Variants in CIAO3 observed in about 807,000 individuals in gnomAD.
CIAO3 encodes LET1 like/JFP15.
A neutral mutation model predicts 51.5 loss-of-function variants in CIAO3; 45 were observed. The observed-to-expected ratio is 0.87, with a 90% CI of 0.69 to 1.12. The LOEUF (loss-of-function observed/expected upper bound fraction) is 1.12, where lower values mean the gene tolerates loss of function less well. Among genes scored for constraint, CIAO3 ranks in the 50% most tolerant of loss-of-function variants. The pLI, the probability that CIAO3 is intolerant of heterozygous loss-of-function variation, is 0.00. For missense variants in CIAO3, 668 were observed against 632.5 expected (o/e 1.06, Z -0.60); for synonymous variants, 314 against 269.3 (o/e 1.17, Z -1.63).
intron 4 of CIAO3, among the ~76,000 whole-genome samples, chr16:735,786 G>A (rs1402790485): frequency 2.6e-5 from 4 of 152,304 alleles, no homozygotes; most frequent in Non-Finnish European, 5.9e-5. Flanking sequence ...TGGGAATGAA[G>A]GGACTGGACA....
Position 730,716 on chromosome 16 carries a change from C to G in CIAO3, c.1193-61G>C. The G allele has an allele frequency of 6.3e-6, 10 of 1,583,474 alleles. No individual in the cohort carries two copies. In the South Asian group the frequency reaches 1.1e-4, roughly 18 times the overall value. On this transcript the variant is annotated intron_variant, in intron 10 of 10. Transcript: ENST00000251588. ...GCGCCCCAGCCAAGCTTCCTGACCACCAGGGAGCAGGGAGGTGACCGGGCC... is the reference window on the plus strand; with the variant it reads ...GCGCCCCAGCCAAGCTTCCTGACCAGCAGGGAGCAGGGAGGTGACCGGGCC...
At position 733,120 on chromosome 16, in the gene CIAO3, C is replaced by T. The variant is rs1365760623; in HGVS notation, c.823+178G>A. On this transcript the variant is annotated intron_variant, in intron 7 of 10. Coordinates refer to ENST00000251588, the MANE Select transcript of CIAO3 (RefSeq NM_022493.3). Reference sequence around the variant, plus strand: ...GCTGCAGGTCCCCAAGACAGGCCAGCTGCAAATGGGCCCACCTGGCTCCAA... The same window carrying T: ...GCTGCAGGTCCCCAAGACAGGCCAGTTGCAAATGGGCCCACCTGGCTCCAA... The T allele has an allele frequency of 5.4e-6, 4 of 742,902 alleles. No individual in the cohort carries two copies. The African/African-American group carries it at 7.1e-5, about 13-fold the overall frequency. The allele number at this position is 742,902 out of a possible 1,614,324, so 46.0% of individuals were successfully genotyped here. A position where few individuals can be genotyped will look rare whatever the true frequency, so the allele number is the denominator to read the frequency against.
At position 737,118 on chromosome 16, in the gene CIAO3, A is replaced by T. The variant is rs544175859; in HGVS notation, c.306+68T>A. On this transcript the variant is annotated intron_variant, in intron 3 of 10. Coordinates refer to ENST00000251588, the MANE Select transcript of CIAO3 (RefSeq NM_022493.3). The surrounding 1 kb of genome is among the most constrained non-coding windows in gnomAD (Gnocchi z 5.3). The stretch of plus-strand genomic sequence containing the variant: ...GGCACCACACGAGCTGCCCTTGGCA[A>T]AACGCGTTGTCGGCTGCTGGGATGG... 43 of 1,600,080 alleles carry T rather than the reference A, an allele frequency of 2.7e-5. No homozygotes were observed. The South Asian group carries it at 3.9e-4, about 14-fold the overall frequency.
intron 6 of CIAO3, 184 bp from the exon 7 acceptor site, chr16:733,611 G>C: frequency 1.2e-6 from 1 of 801,074 alleles, no homozygotes; most frequent in Non-Finnish European, 1.9e-6. Flanking sequence ...CCCTGGCTGT[G>C]ACAGAAAATG....
At position 740,340 on chromosome 16, in the gene CIAO3, G is replaced by C. The variant is rs530557506; in HGVS notation, c.66+580C>G. On this transcript the variant is annotated intron_variant, in intron 1 of 10. Coordinates refer to ENST00000251588, the MANE Select transcript of CIAO3 (RefSeq NM_022493.3). ...CTCCCGGGTTCAAGGGTAGCTGTCCGGCCCACCAGGGCGACGTTAAGGACA... is the reference window on the plus strand; with the variant it reads ...CTCCCGGGTTCAAGGGTAGCTGTCCCGCCCACCAGGGCGACGTTAAGGACA... 141 of 351,234 alleles carry C rather than the reference G, an allele frequency of 4.0e-4. 2 individuals are homozygous for C. The highest frequency in any genetic ancestry group is 2.9e-3 in the South Asian group (135 of 46,844). The allele number at this position is 351,234 out of a possible 1,614,324, so 21.8% of individuals were successfully genotyped here.
At chr16:736,578 G>T (rs995582293) in intron 3 of CIAO3, among the ~76,000 whole-genome samples, 180 bp from the exon 4 acceptor site, 1 of 151,660 alleles carries the variant, frequency 6.6e-6, no homozygotes, top group East Asian at 1.9e-4. Flanking sequence ...GCAGTGGTGC[G>T]ATCGGAGCTC....
chr16:730,636 G>T lies in CIAO3; in HGVS notation c.1212C>A (p.Gly404=). ...TGGGCCTGTCTGGGGCCTGGAGCTG[G>T]CCCCCGCCGTTCAGGCAGCCTATGG... The part of the protein sequence containing the change: ...ACPSGCLNGG[G]QLQAPDRPSR... Residue 404 remains glycine, a synonymous_variant, in exon 11 of 11, where the codon GGC becomes GGA. Transcript: ENST00000251588. The T allele has an allele frequency of 6.2e-7, 1 of 1,609,042 alleles. No homozygotes were observed.
In CIAO3 at chr16:731,908, G is replaced by A. The variant is rs542213254; in HGVS notation, c.897-206C>T. 9.9e-5 allele frequency: 67 copies of A among 678,602 alleles called. No homozygotes were observed. The African/African-American group carries it at 1.0e-3, about 11-fold the overall frequency. The allele number at this position is 678,602 out of a possible 1,614,324, so 42.0% of individuals were successfully genotyped here. On this transcript the variant is annotated intron_variant, in intron 8 of 10. Transcript: ENST00000251588. ...TTTTGAGACGGAGTCTTGCTCTGTCGCCCAGGCTGGAGTGCAGTGGCGTGA... is the reference window on the plus strand; with the variant it reads ...TTTTGAGACGGAGTCTTGCTCTGTCACCCAGGCTGGAGTGCAGTGGCGTGA...
At chr16:738,171 A>G (rs1384289488) in intron 2 of CIAO3, 3 of 998,778 alleles carry the variant, frequency 3.0e-6, no homozygotes, top group Non-Finnish European at 3.6e-6. Context: ...CTCCAAACCA[A>G]CTGCCACTGC....
chr16:740,042 G>C (rs1461535482), intron 1 of CIAO3: 1 of 1,404,122 alleles, frequency 7.1e-7, no homozygotes, highest in South Asian at 1.2e-5. Context: ...CACGTGAACA[G>C]GGGGCGTGAC....
rs775693646 is a variant in CIAO3, at chr16:730,891, G to A, written c.1144C>T (p.Arg382Ter). ...NIQNLVQRLK[R>*]GRCPYHYVEV... ...ACGTAGTGGTAGGGGCAGCGCCCTC[G>A]TTTGAGCCTCTGCACCAGGTTCTGG... Residue 382 changes from arginine (R) to a stop codon, truncating the protein, a stop_gained, in exon 10 of 11, where the codon CGA (arginine) becomes TGA (stop). Coordinates refer to ENST00000251588, the MANE Select transcript of CIAO3 (RefSeq NM_022493.3). LOFTEE classifies it low-confidence loss of function (END_TRUNC). 13 of 1,612,902 alleles carry A rather than the reference G, an allele frequency of 8.1e-6. No homozygotes were observed. Among genetic ancestry groups the A allele is most frequent in the Admixed American group, 3.3e-5 (2 of 60,022 alleles).
At position 737,821 on chromosome 16, in the gene CIAO3, C is replaced by T. The variant is rs1221183324; in HGVS notation, c.163-492G>A. Reference sequence around the variant, plus strand: ...GGGCGGGGCAGAAACAACCGTCAGACTCGCCAAACAGATGCAGGAACAAGG... The same window carrying T: ...GGGCGGGGCAGAAACAACCGTCAGATTCGCCAAACAGATGCAGGAACAAGG... On this transcript the variant is annotated intron_variant, in intron 2 of 10. Transcript: ENST00000251588. The surrounding 1 kb of genome is among the most constrained non-coding windows in gnomAD (Gnocchi z 5.3). 2.1e-5 allele frequency: 25 copies of T among 1,191,930 alleles called. No homozygotes were observed. The highest frequency in any genetic ancestry group is 3.1e-5 in the South Asian group (2 of 65,520). The allele number at this position is 1,191,930 out of a possible 1,614,324, so 73.8% of individuals were successfully genotyped here. A position where few individuals can be genotyped will look rare whatever the true frequency, so the allele number is the denominator to read the frequency against.
chr16:730,000 T>C lies in CIAO3; in HGVS notation c.*417A>G. The C allele has an allele frequency of 2.9e-6, 1 of 340,734 alleles. No homozygotes were observed. The highest frequency in any genetic ancestry group is 5.5e-6 in the Non-Finnish European group (1 of 181,226). The allele number at this position is 340,734 out of a possible 1,614,324, so 21.1% of individuals were successfully genotyped here. On this transcript the variant is annotated 3_prime_UTR_variant, in exon 11 of 11. Transcript: ENST00000251588. The stretch of plus-strand genomic sequence containing the variant: ...AGGTCCAGCTCTGTCTCCCACCTTT[T>C]GCACAGAGCTTCAAGGGAAGCCTCC...
At position 733,849 on chromosome 16, in the gene CIAO3, G is replaced by A. The variant is rs553604342; in HGVS notation, c.693+380C>T. Reference sequence around the variant, plus strand: ...CCCAGGCACCACCGGGGCCGCCCTCGCCCTCTCCCGCCCCCTGCTGGCTGA... The same window carrying A: ...CCCAGGCACCACCGGGGCCGCCCTCACCCTCTCCCGCCCCCTGCTGGCTGA... On this transcript the variant is annotated intron_variant, in intron 6 of 10. Transcript: ENST00000251588. 10 of 365,146 alleles carry A rather than the reference G, an allele frequency of 2.7e-5. 1 individual carries two copies. In the East Asian group the frequency reaches 5.4e-4, roughly 20 times the overall value. 22.6% of individuals were successfully genotyped at this position (365,146 alleles called of 1,614,324 possible).
intron 4 of CIAO3, among the ~76,000 whole-genome samples, chr16:735,912 C>A (rs2041332650): frequency 6.6e-6 from 1 of 152,220 alleles, no homozygotes; most frequent in Admixed American, 6.5e-5. Flanking sequence ...CCCAGATCCT[C>A]CCCAAGCCCA....
intron 4 of CIAO3, chr16:735,075 G>T: frequency 1.6e-6 from 1 of 617,534 alleles, no homozygotes; most frequent in Middle Eastern, 4.5e-4. Context: ...CTAAAGCCAC[G>T]TTGCCTCGGC....
Position 734,919 on chromosome 16 carries a change from C to T in CIAO3, c.440-48G>A, listed in dbSNP as rs763052109. The T allele has an allele frequency of 7.0e-5, 105 of 1,503,202 alleles. 1 individual carries two copies. The African/African-American group carries it at 8.8e-4, about 13-fold the overall frequency. The allele number at this position is 1,503,202 out of a possible 1,614,324, so 93.1% of individuals were successfully genotyped here. A position where few individuals can be genotyped will look rare whatever the true frequency, so the allele number is the denominator to read the frequency against. On this transcript the variant is annotated intron_variant, in intron 4 of 10. Transcript: ENST00000251588. ...TGGTTAACCCCATGCGGGACGCCCA[C>T]ACGAGCACACGCCGGCGTGTGGACC...
At position 730,106 on chromosome 16, in the gene CIAO3, C is replaced by G; in HGVS notation, c.*311G>C. The G allele has an allele frequency of 4.1e-6, 2 of 489,654 alleles. No homozygotes were observed. Among genetic ancestry groups the G allele is most frequent in the South Asian group, 4.8e-5 (2 of 41,894 alleles). 30.3% of individuals were successfully genotyped at this position (489,654 alleles called of 1,614,324 possible). A position where few individuals can be genotyped will look rare whatever the true frequency, so the allele number is the denominator to read the frequency against. The stretch of plus-strand genomic sequence containing the variant: ...TGAAGCCCCTCACGCACTTGGGTGC[C>G]CGACCAGCAGCAGCAAGGGCAGCAC... On this transcript the variant is annotated 3_prime_UTR_variant, in exon 11 of 11. Coordinates refer to ENST00000251588, the MANE Select transcript of CIAO3 (RefSeq NM_022493.3).
At position 737,933 on chromosome 16, in the gene CIAO3, T is replaced by G; in HGVS notation, c.163-604A>C. On this transcript the variant is annotated intron_variant, in intron 2 of 10. Transcript: ENST00000251588. This position sits in a 1 kb window ranked among gnomAD's most constrained non-coding sequence, Gnocchi z 5.3. ...CAGCTCGAGCTCCCCCAACTTCTCC[T>G]GCAAAGGCAGGAATGGTTTGAGCAG... 8.5e-7 allele frequency: 1 copy of G among 1,180,950 alleles called. No individual in the cohort carries two copies. The highest frequency in any genetic ancestry group is 6.1e-5 in the East Asian group (1 of 16,522). The allele number at this position is 1,180,950 out of a possible 1,614,324, so 73.2% of individuals were successfully genotyped here.
Sources: gnomAD v4.1 joint callset for allele counts (sites outside exome capture counted in the v4.1 genomes callset) on GRCh38, gnomAD v4.1.1 for gene constraint, Gnocchi (gnomAD v3.1) non-coding constraint, MANE v1.5 for transcripts, NCBI Gene and HGNC (gene_info 2026-07-23, HGNC 2026-07-21) for gene names.